The following LMBR1 variants were observed in gnomAD, a reference collection of about 807,000 sequenced individuals.
LMBR1 encodes limb region 1 protein homolog.
A neutral mutation model predicts 73.9 loss-of-function variants in LMBR1; 52 were observed. That is an observed-to-expected ratio of 0.70 (90% CI 0.56 to 0.89). The LOEUF (loss-of-function observed/expected upper bound fraction) is 0.89, where lower values mean the gene tolerates loss of function less well. Ranked by LOEUF, LMBR1 falls within the 40% of genes least tolerant of loss-of-function variation. The pLI is 0.00. For missense variants in LMBR1, 539 were observed against 579.8 expected, an observed-to-expected ratio of 0.93 and a Z score of 0.72; for synonymous variants, 215 against 209.4, an observed-to-expected ratio of 1.03 and a Z score of -0.23.
chr7:156,669,304 A>G lies in LMBR1; in HGVS notation n.867-17T>C, dbSNP rs1011743029. On this transcript the variant is annotated splice_polypyrimidine_tract_variant and intron_variant and non_coding_transcript_variant, in intron 4 of 4. Transcript: ENST00000430825. This position sits in a 1 kb window ranked among gnomAD's most constrained non-coding sequence, Gnocchi z 4.2. Reference sequence around the variant, plus strand: ...TGCAGGGAGCTGGGGAGAGACAAATAATAAAATATTTTGTTACAATTTTCA... The same window carrying G: ...TGCAGGGAGCTGGGGAGAGACAAATGATAAAATATTTTGTTACAATTTTCA... The G allele has an allele frequency of 6.6e-6, 1 of 152,206 alleles. No individual in the cohort carries two copies. The highest frequency in any genetic ancestry group is 2.4e-5 in the African/African-American group (1 of 41,430). The allele number at this position is 152,206 out of a possible 1,614,324, so 9.4% of individuals were successfully genotyped here.
intron 12 of LMBR1, among the ~76,000 whole-genome samples, chr7:156,726,728 G>T (rs1815842306): frequency 6.6e-6 from 1 of 151,902 alleles, no homozygotes; most frequent in Non-Finnish European, 1.5e-5. Context: ...CCAAAATTTG[G>T]GACCTGGTAT....
intron 1 of LMBR1, among the ~76,000 whole-genome samples, chr7:156,851,103 A>T (rs1341209894): frequency 2.0e-5 from 3 of 152,196 alleles, no homozygotes; most frequent in Non-Finnish European, 4.4e-5. Context: ...GATGCCGGCA[A>T]TATGCTTCTC....
intron 15 of LMBR1, among the ~76,000 whole-genome samples, chr7:156,719,508 C>G (rs1232611354): frequency 6.6e-6 from 1 of 152,104 alleles, no homozygotes; most frequent in Non-Finnish European, 1.5e-5. Flanking sequence ...GAATCAATAT[C>G]ATGAAAATGG....
intron 5 of LMBR1, among the ~76,000 whole-genome samples, chr7:156,771,845 T>C (rs941879309): frequency 3.3e-5 from 5 of 152,132 alleles, no homozygotes; most frequent in Non-Finnish European, 7.4e-5. Context: ...AACAAAATAC[T>C]AGCAAACCAA....
At chr7:156,824,045 G>C (rs1223950407) in intron 4 of LMBR1, 1 of 152,030 alleles carries the variant, frequency 6.6e-6, no homozygotes, top group South Asian at 2.1e-4. Context: ...AGCTAAGATC[G>C]CACCACTGCA....
intron 4 of LMBR1, among the ~76,000 whole-genome samples, chr7:156,820,696 CTG>C (rs1284899710): frequency 6.6e-6 from 1 of 152,200 alleles, no homozygotes; most frequent in East Asian, 1.9e-4. Flanking sequence ...GCAGGCCTCT[CTG>C]GACTTCGAAG....
At chr7:156,871,070 A>C (rs1304330577) in intron 1 of LMBR1, among the ~76,000 whole-genome samples, 1 of 152,088 alleles carries the variant, frequency 6.6e-6, no homozygotes, top group African/African-American at 2.4e-5. Context: ...AGCTAGACTA[A>C]GAAAAAAAGA....
chr7:156,814,098 G>A (rs1585977223), intron 4 of LMBR1, among the ~76,000 whole-genome samples: 1 of 152,040 alleles, frequency 6.6e-6, no homozygotes, highest in South Asian at 2.1e-4. Context: ...CTTAGCCAAC[G>A]CACCCATAAA....
At chr7:156,861,611 T>G (rs1797725940) in intron 1 of LMBR1, among the ~76,000 whole-genome samples, 1 of 152,178 alleles carries the variant, frequency 6.6e-6, no homozygotes, top group Non-Finnish European at 1.5e-5. Context: ...AGGCTGCGAA[T>G]TTTCCAAACT....
intron 5 of LMBR1, among the ~76,000 whole-genome samples, chr7:156,795,682 G>A (rs1453759824): frequency 6.6e-6 from 1 of 151,908 alleles, no homozygotes; most frequent in Non-Finnish European, 1.5e-5. Flanking sequence ...TCTCCAGAGG[G>A]GCTGGGACCA....
At chr7:156,831,460 T>C (rs1836680558) in intron 3 of LMBR1, among the ~76,000 whole-genome samples, 1 of 152,090 alleles carries the variant, frequency 6.6e-6, no homozygotes, top group Non-Finnish European at 1.5e-5. Flanking sequence ...TCACTCATTC[T>C]ACCACAGCAA....
intron 4 of LMBR1, among the ~76,000 whole-genome samples, chr7:156,810,760 T>C (rs897617562): frequency 2.0e-5 from 3 of 151,978 alleles, no homozygotes; most frequent in Non-Finnish European, 4.4e-5. Flanking sequence ...ATTGTCACTT[T>C]TCAGCCATTT....
At chr7:156,887,463 C>CAAAAAAAAAAAAAAAAAAAAAAAAAA in intron 1 of LMBR1, among the ~76,000 whole-genome samples, 1 of 52,676 alleles carries the variant, frequency 1.9e-5, no homozygotes, top group Non-Finnish European at 3.9e-5. Flanking sequence ...GACTCCATCT[C>CAAAAAAAAAAAAAAAAAAAAAAAAAA]AAAAAAAAAA....
chr7:156,750,863 A>G (rs1376112419), intron 9 of LMBR1, among the ~76,000 whole-genome samples: 1 of 152,198 alleles, frequency 6.6e-6, no homozygotes, highest in African/African-American at 2.4e-5. Flanking sequence ...TAATTTTAAC[A>G]CTATGGGAGG....
At chr7:156,877,874 C>T (rs1210068949) in intron 1 of LMBR1, among the ~76,000 whole-genome samples, 3 of 130,184 alleles carry the variant, frequency 2.3e-5, no homozygotes, top group South Asian at 2.4e-4. Context: ...CAGAGCGAGA[C>T]TCCACTCAAA....
chr7:156,790,909 A>G (rs1385899683), intron 5 of LMBR1, among the ~76,000 whole-genome samples: 2 of 152,230 alleles, frequency 1.3e-5, no homozygotes, highest in Non-Finnish European at 2.9e-5. Context: ...ACACCTTTAC[A>G]GTAAAACAAT....
At chr7:156,759,373 C>T (rs1048521100) in intron 8 of LMBR1, among the ~76,000 whole-genome samples, 1 of 152,176 alleles carries the variant, frequency 6.6e-6, no homozygotes, top group African/African-American at 2.4e-5. Flanking sequence ...AATAGAATGG[C>T]AGACCAGCTT....
At chr7:156,884,916 A>T (rs910735907) in intron 1 of LMBR1, among the ~76,000 whole-genome samples, 3 of 152,248 alleles carry the variant, frequency 2.0e-5, no homozygotes, top group Admixed American at 6.5e-5. Context: ...AGTTGAGGGC[A>T]AGACACCAGT....
At chr7:156,684,231 G>A (rs1173305416) in intron 16 of LMBR1, 68 bp from the exon 17 acceptor site, 1 of 1,184,644 alleles carries the variant, frequency 8.4e-7, no homozygotes, top group African/African-American at 1.5e-5. Context: ...GGTTAGGGTA[G>A]GGAGAAGAGG....
Sources: gnomAD v4.1 joint callset for allele counts (sites outside exome capture counted in the v4.1 genomes callset) on GRCh38, gnomAD v4.1.1 for gene constraint, Gnocchi (gnomAD v3.1) non-coding constraint, MANE v1.5 for transcripts, NCBI Gene and HGNC (gene_info 2026-07-23, HGNC 2026-07-21) for gene names.